The following ARFIP1 variants were observed in gnomAD, a reference collection of about 807,000 sequenced individuals.
The protein encoded by ARFIP1 is arfaptin-1.
ARFIP1 carries 24 observed loss-of-function variants against 42.5 expected under a neutral mutation model. The ratio of observed to expected loss-of-function variants is 0.57; its 90% confidence interval spans 0.41 to 0.80. The LOEUF is 0.80. Among genes scored for constraint, ARFIP1 ranks in the 30% least tolerant of loss-of-function variants. ARFIP1 has a pLI of 0.00. For missense variants in ARFIP1, 354 were observed against 434.0 expected (o/e 0.82, Z 1.64); for synonymous variants, 141 against 153.7 (o/e 0.92, Z 0.61).
intron 2 of ARFIP1, among the ~76,000 whole-genome samples, chr4:152,850,269 C>T (rs73865255): frequency 0.02 from 3,082 of 152,116 alleles, 92 homozygotes; most frequent in African/African-American, 0.071. Context: ...GCCTAGACAG[C>T]GAATATATCA....
intron 8 of ARFIP1, among the ~76,000 whole-genome samples, chr4:152,894,304 T>TAGTAAG (rs1415464697): frequency 5.3e-5 from 8 of 152,206 alleles, no homozygotes; most frequent in Admixed American, 5.2e-4. Flanking sequence ...GCAGAAGTAT[T>TAGTAAG]CTTTGCTTAC....
chr4:152,859,971 G>T (rs1433548280), intron 2 of ARFIP1, among the ~76,000 whole-genome samples: 2 of 151,566 alleles, frequency 1.3e-5, no homozygotes, highest in Non-Finnish European at 2.9e-5. Context: ...TCATGACTTT[G>T]TCACTCAAAA....
At chr4:152,864,106 A>G (rs1275354912) in intron 3 of ARFIP1, among the ~76,000 whole-genome samples, 1 of 152,018 alleles carries the variant, frequency 6.6e-6, no homozygotes, top group Non-Finnish European at 1.5e-5. Context: ...GTTATATAGG[A>G]GGTCTCCAAG....
intron 8 of ARFIP1, among the ~76,000 whole-genome samples, chr4:152,899,488 T>C (rs1737640476): frequency 6.6e-6 from 1 of 152,268 alleles, no homozygotes; most frequent in Non-Finnish European, 1.5e-5. Flanking sequence ...ATATCTCTCA[T>C]CTAATTGATG....
chr4:152,900,333 G>C (rs1305436472), intron 8 of ARFIP1, among the ~76,000 whole-genome samples: 1 of 152,160 alleles, frequency 6.6e-6, no homozygotes, highest in Non-Finnish European at 1.5e-5. Context: ...TCTGTGACCT[G>C]CTGTTACTGG....
At chr4:152,861,245 G>A (rs1238747355) in intron 2 of ARFIP1, among the ~76,000 whole-genome samples, 1 of 152,158 alleles carries the variant, frequency 6.6e-6, no homozygotes, top group East Asian at 1.9e-4. Flanking sequence ...ATGATGCAAA[G>A]TAGAGAAAAG....
At chr4:152,878,613 C>T (rs148969021) in intron 5 of ARFIP1, among the ~76,000 whole-genome samples, 1 of 152,188 alleles carries the variant, frequency 6.6e-6, no homozygotes, top group Non-Finnish European at 1.5e-5. Flanking sequence ...TTCAAGTGTC[C>T]AGTTTATCTT....
intron 6 of ARFIP1, 136 bp from the exon 7 acceptor site, chr4:152,882,586 CG>C: frequency 1.1e-6 from 1 of 924,484 alleles, no homozygotes; most frequent in Non-Finnish European, 1.6e-6. Flanking sequence ...TTCTTAAAGA[CG>C]GAAAGGAAAA....
At chr4:152,799,935 G>A (rs986660200) in intron 1 of ARFIP1, among the ~76,000 whole-genome samples, 11 of 152,246 alleles carry the variant, frequency 7.2e-5, no homozygotes, top group African/African-American at 2.4e-4. Flanking sequence ...TCTGGATGAC[G>A]GTGATCTGAA....
At chr4:152,796,130 C>T (rs1731455041) in intron 1 of ARFIP1, 2 of 747,336 alleles carry the variant, frequency 2.7e-6, no homozygotes, top group East Asian at 5.0e-5. Flanking sequence ...GGCATATTTC[C>T]CCAAATAACT....
At chr4:152,903,836 GCT>G (rs1738054926) in intron 8 of ARFIP1, among the ~76,000 whole-genome samples, 2 of 151,954 alleles carry the variant, frequency 1.3e-5, no homozygotes, top group Non-Finnish European at 2.9e-5. Context: ...TGTTTAGTCA[GCT>G]ACTTGGGGGT....
intron 8 of ARFIP1, among the ~76,000 whole-genome samples, chr4:152,892,465 G>C (rs1736941193): frequency 6.6e-6 from 1 of 152,162 alleles, no homozygotes; most frequent in Non-Finnish European, 1.5e-5. Context: ...AGTAGTCCTT[G>C]AGTATGGGAC....
chr4:152,829,786 A>G lies in ARFIP1; in HGVS notation c.93+60A>G, dbSNP rs895932238. ...TCATGGTAAGTCTTTAAATGTTGAG[A>G]TGAAAGTAATAGACAAAATTTAATA... is the stretch of plus-strand genomic sequence containing the variant. On this transcript the variant is annotated intron_variant, in intron 2 of 8. Transcript: ENST00000353617. 5 of 1,309,962 alleles carry G rather than the reference A, an allele frequency of 3.8e-6. No individual in the cohort carries two copies. The East Asian group carries it at 1.2e-4, about 31-fold the overall frequency. 81.1% of individuals were successfully genotyped at this position (1,309,962 alleles called of 1,614,324 possible).
intron 1 of ARFIP1, among the ~76,000 whole-genome samples, chr4:152,782,105 A>G (rs905546694): frequency 2.0e-5 from 3 of 151,338 alleles, no homozygotes; most frequent in Admixed American, 6.6e-5. Flanking sequence ...AAGTTAGTGA[A>G]AACAGGTGTG....
intron 8 of ARFIP1, among the ~76,000 whole-genome samples, chr4:152,898,851 G>A (rs962182070): frequency 3.9e-5 from 6 of 152,176 alleles, no homozygotes; most frequent in Non-Finnish European, 8.8e-5. Flanking sequence ...TGAATCATCT[G>A]TTCCCTTCTT....
Position 152,856,615 on chromosome 4 carries a change from A to G in ARFIP1, c.94-6991A>G, listed in dbSNP as rs527769532. On this transcript the variant is annotated intron_variant, in intron 2 of 8. Coordinates refer to ENST00000353617, the MANE Select transcript of ARFIP1 (RefSeq NM_001025595.3). ...TTATATAAGGGACTTGAGCATCCGC[A>G]TGTATTTTGGTATCCAAGGGATCCT... Among the ~76,000 whole-genome samples the G allele has an allele frequency of 7.2e-5, 11 of 152,316 alleles. No homozygotes were observed. The South Asian group carries it at 1.9e-3, about 26-fold the overall frequency.
At chr4:152,844,030 G>A (rs1333208840) in intron 2 of ARFIP1, among the ~76,000 whole-genome samples, 1 of 152,158 alleles carries the variant, frequency 6.6e-6, no homozygotes, top group Non-Finnish European at 1.5e-5. Flanking sequence ...CCCTCCTGAT[G>A]GATCCCTGTG....
At chr4:152,829,753 G>A in intron 2 of ARFIP1, 27 bp downstream of exon 2, 1 of 1,511,148 alleles carries the variant, frequency 6.6e-7, no homozygotes, top group Non-Finnish European at 9.0e-7. Flanking sequence ...TTCTCTTAAT[G>A]CAAAGAATCA....
At chr4:152,814,436 G>A (rs974710047) in intron 1 of ARFIP1, among the ~76,000 whole-genome samples, 9 of 152,092 alleles carry the variant, frequency 5.9e-5, no homozygotes, top group Non-Finnish European at 1.3e-4. Flanking sequence ...CAGCTCAGGT[G>A]CATTGGTTCA....
Sources: gnomAD v4.1 joint callset for allele counts (sites outside exome capture counted in the v4.1 genomes callset) on GRCh38, gnomAD v4.1.1 for gene constraint, MANE v1.5 for transcripts, NCBI Gene and HGNC (gene_info 2026-07-23, HGNC 2026-07-21) for gene names.